Variants in BRAF observed in about 807,000 individuals in gnomAD.
BRAF encodes serine/threonine-protein kinase B-raf.
BRAF carries 16 observed loss-of-function variants against 104.6 expected under a neutral mutation model. The ratio of observed to expected loss-of-function variants is 0.15; its 90% CI spans 0.10 to 0.23. The LOEUF is 0.23. Ranked by LOEUF, BRAF falls within the 10% of genes least tolerant of loss-of-function variation. The pLI, the probability that BRAF is intolerant of heterozygous loss-of-function variation, is 1.00. For synonymous variants in BRAF, 310 were observed against 341.6 expected (o/e 0.91, Z 1.02); for missense variants, 541 against 937.3 (o/e 0.58, Z 5.52).
chr7:140,769,916 T>C (rs1485775001), intron 14 of BRAF, among the ~76,000 whole-genome samples: 1 of 152,176 alleles, frequency 6.6e-6, no homozygotes, highest in Non-Finnish European at 1.5e-5. Context: ...TACATCTCTT[T>C]CTGTATACAC....
chr7:140,722,955 A>G lies in BRAF; in HGVS notation c.*3539T>C, dbSNP rs959649369. The G allele has an allele frequency of 1.9e-6, 2 of 1,054,732 alleles. No homozygotes were observed. Among genetic ancestry groups the G allele is most frequent in the African/African-American group, 3.3e-5 (2 of 60,462 alleles). 65.3% of individuals were successfully genotyped at this position (1,054,732 alleles called of 1,614,324 possible). A position where few individuals can be genotyped will look rare whatever the true frequency, so the allele number is the denominator to read the frequency against. ...TTAAATGTATAATGCCCTTTAGGAC[A>G]AAATGAGAGTGCTCAAATACAAGTA... is the stretch of plus-strand genomic sequence containing the variant. On this transcript the variant is annotated 3_prime_UTR_variant, in exon 20 of 20. Coordinates refer to ENST00000644969, the MANE Select transcript of BRAF (RefSeq NM_001374258.1).
At chr7:140,732,161 ACT>A (rs1796020390) in intron 19 of BRAF, 3 of 102,206 alleles carry the variant, frequency 2.9e-5, no homozygotes, top group Non-Finnish European at 3.8e-5. Context: ...ACAGAGCGAG[ACT>A]CTGTCTCAAA....
At chr7:140,847,490 G>A (rs764366477) in intron 2 of BRAF, among the ~76,000 whole-genome samples, 1 of 151,934 alleles carries the variant, frequency 6.6e-6, no homozygotes, top group Non-Finnish European at 1.5e-5. Context: ...GGCTGAGGTA[G>A]GAAAATTGCT....
rs1340972931 is a variant in BRAF at position 140,725,828 on chromosome 7, G to C, written c.*666C>G. ...GTGAGCAAGGAAACAAAAGGCCAGA[G>C]ACCCCGGAGGTCAGGAAGAAGATGC... On this transcript the variant is annotated 3_prime_UTR_variant, in exon 20 of 20. Transcript: ENST00000644969. 13 of 1,062,962 alleles carry C rather than the reference G, an allele frequency of 1.2e-5. No homozygotes were observed. In the Admixed American group the frequency reaches 3.2e-4, roughly 26 times the overall value. The allele number at this position is 1,062,962 out of a possible 1,614,324, so 65.8% of individuals were successfully genotyped here. A position where few individuals can be genotyped will look rare whatever the true frequency, so the allele number is the denominator to read the frequency against.
chr7:140,767,088 C>A (rs1799404185), intron 14 of BRAF, among the ~76,000 whole-genome samples: 1 of 152,102 alleles, frequency 6.6e-6, no homozygotes, highest in Non-Finnish European at 1.5e-5. Flanking sequence ...TCTGCAGCCT[C>A]ATCTTCCCAG....
At chr7:140,798,508 C>T (rs1054310467) in intron 7 of BRAF, among the ~76,000 whole-genome samples, 1 of 150,980 alleles carries the variant, frequency 6.6e-6, no homozygotes, top group African/African-American at 2.4e-5. Flanking sequence ...GATCCGCCTG[C>T]CTCGGCCTCC....
At chr7:140,818,464 C>A (rs1316658042) in intron 3 of BRAF, among the ~76,000 whole-genome samples, 22 of 152,122 alleles carry the variant, frequency 1.4e-4, no homozygotes, top group African/African-American at 2.4e-5. Context: ...AGGTGTGCGC[C>A]ACAATGCCTG....
At chr7:140,865,882 A>G (rs1319134709) in intron 1 of BRAF, among the ~76,000 whole-genome samples, 1 of 152,194 alleles carries the variant, frequency 6.6e-6, no homozygotes, top group African/African-American at 2.4e-5. Context: ...CTAAAACTGA[A>G]TAAGAGGATC....
chr7:140,920,552 T>C (rs1387297155), intron 1 of BRAF, among the ~76,000 whole-genome samples: 3 of 152,236 alleles, frequency 2.0e-5, no homozygotes, highest in Admixed American at 6.5e-5. Flanking sequence ...GTTACCCTAA[T>C]GTAATTTTTC....
intron 19 of BRAF, among the ~76,000 whole-genome samples, chr7:140,727,293 C>G (rs1374751175): frequency 6.6e-6 from 1 of 151,572 alleles, no homozygotes; most frequent in Non-Finnish European, 1.5e-5. Flanking sequence ...AAGTGATTCT[C>G]CTGCCTCAGC....
chr7:140,844,717 G>A (rs1808363853), intron 2 of BRAF, among the ~76,000 whole-genome samples: 1 of 152,192 alleles, frequency 6.6e-6, no homozygotes, highest in African/African-American at 2.4e-5. Context: ...CTTGAGGTCA[G>A]GAGTTCGAGA....
chr7:140,758,115 C>T (rs899080167), intron 14 of BRAF: 4 of 152,202 alleles, frequency 2.6e-5, no homozygotes, highest in African/African-American at 9.6e-5. Context: ...TAGACATTTG[C>T]ATGTCAGCCC....
At chr7:140,837,931 T>C (rs938896908) in intron 2 of BRAF, among the ~76,000 whole-genome samples, 4 of 152,204 alleles carry the variant, frequency 2.6e-5, no homozygotes, top group African/African-American at 9.6e-5. Flanking sequence ...AGTGCTAATA[T>C]TGGGTGTTTA....
At chr7:140,890,233 G>C (rs1814068271) in intron 1 of BRAF, among the ~76,000 whole-genome samples, 1 of 152,094 alleles carries the variant, frequency 6.6e-6, no homozygotes, top group African/African-American at 2.4e-5. Context: ...AATGATAAAT[G>C]AATTAAATAT....
chr7:140,756,021 A>G (rs983589606), intron 14 of BRAF, among the ~76,000 whole-genome samples: 2 of 152,154 alleles, frequency 1.3e-5, no homozygotes, highest in African/African-American at 4.8e-5. Context: ...GATGGTGTTA[A>G]TCCTTTCAAC....
intron 17 of BRAF, chr7:140,747,338 A>G: frequency 2.5e-6 from 3 of 1,192,650 alleles, no homozygotes; most frequent in Non-Finnish European, 3.2e-6. Flanking sequence ...CTATACTATT[A>G]GAAAGAATTA....
intron 16 of BRAF, among the ~76,000 whole-genome samples, chr7:140,752,772 C>T (rs530740955): frequency 2.0e-4 from 31 of 152,056 alleles, no homozygotes; most frequent in African/African-American, 7.2e-4. Context: ...AATAAGATTG[C>T]GAAACAGCTT....
At chr7:140,753,951 A>T (rs1562941484) in intron 15 of BRAF, 1 of 562,752 alleles carries the variant, frequency 1.8e-6, no homozygotes, top group Non-Finnish European at 3.2e-6. Context: ...GCAATCAAAA[A>T]CTCCTACTAT....
intron 14 of BRAF, among the ~76,000 whole-genome samples, chr7:140,767,749 G>T (rs1799466088): frequency 6.6e-6 from 1 of 152,160 alleles, no homozygotes; most frequent in South Asian, 2.1e-4. Context: ...AATACACCCT[G>T]GAGCTGAAGT....
Sources: gnomAD v4.1 joint callset for allele counts (sites outside exome capture counted in the v4.1 genomes callset) on GRCh38, gnomAD v4.1.1 for gene constraint, MANE v1.5 for transcripts, NCBI Gene and HGNC (gene_info 2026-07-23, HGNC 2026-07-21) for gene names.